USP33: variants seen among roughly 807,000 people sequenced by gnomAD.
USP33 encodes the protein ubiquitin carboxyl-terminal hydrolase 33.
Under a neutral mutation model 124.2 loss-of-function variants are expected in USP33, and 46 were observed. That is an observed-to-expected ratio of 0.37 (90% confidence interval 0.29 to 0.47). The LOEUF (loss-of-function observed/expected upper bound fraction) is 0.47, where lower values mean the gene tolerates loss of function less well. Among genes scored for constraint, USP33 ranks in the 20% least tolerant of loss-of-function variants. The pLI is 0.99. For missense variants in USP33, 851 were observed against 1,070.6 expected, an observed-to-expected ratio of 0.79 and a Z score of 2.86; for synonymous variants, 350 against 352.3, an observed-to-expected ratio of 0.99 and a Z score of 0.07.
Position 77,722,158 on chromosome 1 carries a change from C to T in USP33, c.1428G>A (p.Leu476=). 2 of 1,613,628 alleles carry T rather than the reference C, an allele frequency of 1.2e-6. No homozygotes were observed. The highest frequency in any genetic ancestry group is 1.7e-6 in the Non-Finnish European group (2 of 1,179,816). Residue 476 remains leucine, a synonymous_variant, in exon 13 of 24, where the codon TTG becomes TTA. Transcript: ENST00000370794. ...CAAGGTCTTCCTTGCCAGGAATTGGCAAGGACAGATCTTGAAAGGTCTCGA... is the reference window on the plus strand; with the variant it reads ...CAAGGTCTTCCTTGCCAGGAATTGGTAAGGACAGATCTTGAAAGGTCTCGA... ...VTLETFQDLS[L]PIPGKEDLAK...
intron 9 of USP33, among the ~76,000 whole-genome samples, 153 bp from the exon 10 acceptor site, chr1:77,728,865 A>G (rs937654137): frequency 1.3e-5 from 2 of 152,200 alleles, no homozygotes; most frequent in Non-Finnish European, 2.9e-5. Context: ...GCACTAGATA[A>G]ATGAGATGCA....
chr1:77,714,904 T>C (rs1311619575), intron 18 of USP33, 121 bp from the exon 19 acceptor site: 1 of 1,010,592 alleles, frequency 9.9e-7, no homozygotes, highest in Non-Finnish European at 1.5e-6. Flanking sequence ...GTCTTGGGAA[T>C]TTCAAGAGAA....
At chr1:77,717,209 G>A (rs1676017182) in intron 17 of USP33, among the ~76,000 whole-genome samples, 1 of 151,924 alleles carries the variant, frequency 6.6e-6, no homozygotes, top group Non-Finnish European at 1.5e-5. Context: ...TCATGTTAGG[G>A]CCAGGCATGG....
intron 1 of USP33, among the ~76,000 whole-genome samples, chr1:77,751,820 C>T (rs1680365631): frequency 6.6e-6 from 1 of 151,690 alleles, no homozygotes; most frequent in African/African-American, 2.4e-5. Context: ...TCCTGAGTAG[C>T]TGGGACTACA....
intron 22 of USP33, among the ~76,000 whole-genome samples, chr1:77,699,977 G>A (rs549365533): frequency 1.3e-5 from 2 of 152,198 alleles, no homozygotes; most frequent in East Asian, 1.9e-4. Context: ...TCACTTATAA[G>A]TGGGGGCTGA....
At chr1:77,758,185 T>TTC (rs1680982037) in intron 1 of USP33, among the ~76,000 whole-genome samples, 1 of 141,570 alleles carries the variant, frequency 7.1e-6, no homozygotes, top group Non-Finnish European at 1.5e-5. Flanking sequence ...CTTTTTTTTT[T>TTC]TTTTTTTTTT....
intron 9 of USP33, among the ~76,000 whole-genome samples, chr1:77,729,639 C>T (rs1009543347): frequency 1.3e-5 from 2 of 151,952 alleles, no homozygotes; most frequent in Admixed American, 1.3e-4. Flanking sequence ...CCACTGCACT[C>T]CAGCCTGGGC....
chr1:77,701,382 C>A lies in USP33; in HGVS notation c.2496G>T (p.Lys832Asn). 6.2e-7 allele frequency: 1 copy of A among 1,608,556 alleles called. No homozygotes were observed. The highest frequency in any genetic ancestry group is 1.1e-5 in the South Asian group (1 of 89,852). Residue 832 changes from lysine to asparagine, a missense_variant, in exon 22 of 24, where the codon AAG becomes AAT. Lys to Asn is a moderately conservative substitution (Grantham distance 94). Around this residue, in one of 4 missense-constraint regions of USP33, gnomAD observed 142 missense variants for 141.8 expected, o/e 1.00. Transcript: ENST00000370794. ...TCAACCACTTACCTCCATCTTTACC[C>A]TTCACAAAACTTTCCCATTCTCTAA... The part of the protein sequence containing the change: ...QWFREWESFV[K>N]GKDGDPPGPI...
At chr1:77,732,953 C>T (rs1184701163) in intron 7 of USP33, among the ~76,000 whole-genome samples, 3 of 151,846 alleles carry the variant, frequency 2.0e-5, no homozygotes, top group Admixed American at 6.6e-5. Flanking sequence ...ACCACCACAC[C>T]CGGCTAATTT....
In USP33 at chr1:77,724,761, A is replaced by G. The variant is rs1295300687; in HGVS notation, c.1276+861T>C. On this transcript the variant is annotated intron_variant, in intron 11 of 23. Transcript: ENST00000370794. ...GTAAATAAACAGTGGTATACCCATA[A>G]AAAATGAGATATTAGGCCGGGCATG... Among the ~76,000 whole-genome samples, 7 of 152,312 alleles carry G rather than the reference A, an allele frequency of 4.6e-5. No individual in the cohort carries two copies. In the South Asian group the frequency reaches 1.5e-3, roughly 32 times the overall value.
At chr1:77,754,121 T>C (rs1038079026) in intron 1 of USP33, among the ~76,000 whole-genome samples, 1 of 152,172 alleles carries the variant, frequency 6.6e-6, no homozygotes, top group Non-Finnish European at 1.5e-5. Flanking sequence ...TTCCCCATAA[T>C]TGTTACACAG....
chr1:77,718,965 C>G (rs563365207), intron 15 of USP33, among the ~76,000 whole-genome samples: 1 of 149,932 alleles, frequency 6.7e-6, no homozygotes, highest in Non-Finnish European at 1.5e-5. Flanking sequence ...AAAGAAAATG[C>G]AGAGACAAAA....
chr1:77,728,283 C>G lies in USP33; in HGVS notation c.1135+12G>C, dbSNP rs202233614. 1 of 1,554,104 alleles carries G rather than the reference C, an allele frequency of 6.4e-7. No individual in the cohort carries two copies. The highest frequency in any genetic ancestry group is 8.7e-7 in the Non-Finnish European group (1 of 1,155,350). On this transcript the variant is annotated intron_variant, in intron 10 of 23. Coordinates refer to ENST00000370794, the MANE Select transcript of USP33 (RefSeq NM_201624.3). ...TACTATCATTTTCATGAACAAACTA[C>G]TAAATTGTCACCTGAAGCTCTGCTG... is the stretch of plus-strand genomic sequence containing the variant.
chr1:77,717,579 T>A, intron 17 of USP33: 1 of 193,944 alleles, frequency 5.2e-6, no homozygotes, highest in Non-Finnish European at 1.0e-5. Context: ...TTTAATTGCA[T>A]AAAATTATCT....
intron 21 of USP33, 174 bp downstream of exon 21, chr1:77,711,573 T>A: frequency 4.1e-6 from 4 of 977,406 alleles, no homozygotes; most frequent in Non-Finnish European, 5.8e-6. Flanking sequence ...AGGGAGAACA[T>A]AACTCAACAG....
At chr1:77,720,781 T>C (rs1198151878) in intron 15 of USP33, among the ~76,000 whole-genome samples, 1 of 152,334 alleles carries the variant, frequency 6.6e-6, no homozygotes, top group African/African-American at 2.4e-5. Context: ...TCGTATGCCA[T>C]TGTTAACAGC....
At chr1:77,703,838 A>C (rs1163459286) in intron 21 of USP33, among the ~76,000 whole-genome samples, 1 of 152,060 alleles carries the variant, frequency 6.6e-6, no homozygotes, top group Non-Finnish European at 1.5e-5. Context: ...CATGGTTAAA[A>C]CCCCATCTCT....
chr1:77,714,925 T>A (rs765516172), intron 18 of USP33, 142 bp from the exon 19 acceptor site: 77 of 816,086 alleles, frequency 9.4e-5, no homozygotes, highest in Non-Finnish European at 1.4e-4. Flanking sequence ...ATATACTTTG[T>A]ATTATCCACC....
At chr1:77,698,381 A>C (rs1213084581) in intron 22 of USP33, among the ~76,000 whole-genome samples, 1 of 151,412 alleles carries the variant, frequency 6.6e-6, no homozygotes, top group Non-Finnish European at 1.5e-5. Context: ...CCTATGGTTA[A>C]TTCTTAATGT....
Sources: gnomAD v4.1 joint callset for allele counts (sites outside exome capture counted in the v4.1 genomes callset) on GRCh38, gnomAD v4.1.1 for gene constraint, gnomAD v4.1.1 regional missense constraint, MANE v1.5 for transcripts, NCBI Gene and HGNC (gene_info 2026-07-23, HGNC 2026-07-21) for gene names.